SPIRE1: variants seen among roughly 807,000 people sequenced by gnomAD.
SPIRE1 encodes spire type actin nucleation factor 1.
A neutral mutation model predicts 94.1 loss-of-function variants in SPIRE1; 40 were observed. That is an observed-to-expected ratio of 0.43 (90% CI 0.33 to 0.55). The LOEUF (loss-of-function observed/expected upper bound fraction) is 0.55. Ranked by LOEUF, SPIRE1 falls within the 20% of genes least tolerant of loss-of-function variation. The pLI is 0.06. For synonymous variants in SPIRE1, 376 were observed against 371.7 expected, an observed-to-expected ratio of 1.01 and a Z score of -0.13; for missense variants, 838 against 975.2, an observed-to-expected ratio of 0.86 and a Z score of 1.87.
intron 2 of SPIRE1, among the ~76,000 whole-genome samples, chr18:12,615,518 C>T (rs947624344): frequency 1.6e-4 from 18 of 112,250 alleles, no homozygotes; most frequent in Non-Finnish European, 3.1e-4. Context: ...CCACCTTGGG[C>T]GACAGAGAGA....
Position 12,559,836 on chromosome 18 carries a change from A to C in SPIRE1, c.373-12932T>G, listed in dbSNP as rs1188132519. ...CCAAAGAACGGGAGAAAATATGTGC[A>C]AACTGTCCATCTGACAAGGGGTAAT... On this transcript the variant is annotated intron_variant, in intron 2 of 16. Coordinates refer to ENST00000409402, the MANE Select transcript of SPIRE1 (RefSeq NM_001128626.2). This position sits in a 1 kb window ranked among gnomAD's most constrained non-coding sequence, Gnocchi z 4.7. Among the ~76,000 whole-genome samples the C allele has an allele frequency of 6.6e-6, 1 of 152,352 alleles. No individual in the cohort carries two copies. Among genetic ancestry groups the C allele is most frequent in the Middle Eastern group, 3.4e-3 (1 of 294 alleles).
chr18:12,489,992 C>T (rs2033176700), intron 8 of SPIRE1, among the ~76,000 whole-genome samples: 1 of 152,034 alleles, frequency 6.6e-6, no homozygotes, highest in African/African-American at 2.4e-5. Flanking sequence ...TTAATTCTGC[C>T]AATATTATCA....
intron 4 of SPIRE1, among the ~76,000 whole-genome samples, chr18:12,525,287 A>T (rs1331158286): frequency 6.8e-6 from 1 of 146,522 alleles, no homozygotes; most frequent in African/African-American, 2.5e-5. Flanking sequence ...AAAAAAAAAA[A>T]AAAAAAAAAA....
At chr18:12,592,385 T>C (rs1167706128) in intron 2 of SPIRE1, among the ~76,000 whole-genome samples, 1 of 152,252 alleles carries the variant, frequency 6.6e-6, no homozygotes, top group African/African-American at 2.4e-5. Context: ...TTTCATTTCT[T>C]CTTTGAAGAG....
chr18:12,460,899 T>C (rs937369638), intron 12 of SPIRE1, among the ~76,000 whole-genome samples: 1 of 152,184 alleles, frequency 6.6e-6, no homozygotes, highest in African/African-American at 2.4e-5. Flanking sequence ...TTTCCCAAGA[T>C]AAGCTATTAG....
At chr18:12,501,965 C>CA (rs1165867193) in intron 6 of SPIRE1, among the ~76,000 whole-genome samples, 1 of 152,152 alleles carries the variant, frequency 6.6e-6, no homozygotes, top group Non-Finnish European at 1.5e-5. Flanking sequence ...CTGTGTCAAT[C>CA]AATCAATAAA....
At chr18:12,570,923 C>T (rs1167943545) in intron 2 of SPIRE1, among the ~76,000 whole-genome samples, 1 of 152,172 alleles carries the variant, frequency 6.6e-6, no homozygotes, top group Admixed American at 6.5e-5. Context: ...TTTGGGTTTA[C>T]AGTCAACCAG....
chr18:12,467,551 G>C (rs2032165695), intron 10 of SPIRE1, among the ~76,000 whole-genome samples: 1 of 152,216 alleles, frequency 6.6e-6, no homozygotes, highest in Admixed American at 6.5e-5. Context: ...TATCTGCTGA[G>C]GAGTCATACA....
intron 5 of SPIRE1, among the ~76,000 whole-genome samples, chr18:12,509,689 AT>A (rs1394799423): frequency 4.6e-5 from 7 of 152,336 alleles, no homozygotes; most frequent in Admixed American, 3.3e-4. Flanking sequence ...ACTGCGATAT[AT>A]TCACACAATG....
intron 5 of SPIRE1, among the ~76,000 whole-genome samples, chr18:12,509,959 C>A (rs1354191304): frequency 6.6e-6 from 1 of 151,918 alleles, no homozygotes; most frequent in Non-Finnish European, 1.5e-5. Flanking sequence ...GTGGTGCGCA[C>A]CTGTAATCCC....
At chr18:12,468,678 TTTCTC>T (rs1339702487) in intron 10 of SPIRE1, among the ~76,000 whole-genome samples, 5 of 152,208 alleles carry the variant, frequency 3.3e-5, no homozygotes, top group Non-Finnish European at 5.9e-5. Context: ...TAACTCAGCA[TTTCTC>T]AGAATCTTTT....
At chr18:12,546,205 G>A (rs566895692) in intron 3 of SPIRE1, among the ~76,000 whole-genome samples, 5 of 152,222 alleles carry the variant, frequency 3.3e-5, no homozygotes, top group South Asian at 4.1e-4. Context: ...TAGCCAGGAC[G>A]TTCTTGATCT....
chr18:12,606,821 G>A (rs1055906627), intron 2 of SPIRE1, among the ~76,000 whole-genome samples: 1 of 152,118 alleles, frequency 6.6e-6, no homozygotes, highest in Admixed American at 6.6e-5. Context: ...GTGAGCCATC[G>A]CACGGGGCCA....
rs1413994840 is a variant in SPIRE1, at chr18:12,559,945, A to G, written c.373-13041T>C. On this transcript the variant is annotated intron_variant, in intron 2 of 16. Coordinates refer to ENST00000409402, the MANE Select transcript of SPIRE1 (RefSeq NM_001128626.2). This position sits in a 1 kb window ranked among gnomAD's most constrained non-coding sequence, Gnocchi z 4.7. ...AAAAATGGGCAAAAGATCCGAATAG[A>G]CATTTCTCAAAGTAAGAATTAGAAA... is the stretch of plus-strand genomic sequence containing the variant. Among the ~76,000 whole-genome samples the G allele has an allele frequency of 6.6e-6, 1 of 152,258 alleles. No individual in the cohort carries two copies. The highest frequency in any genetic ancestry group is 1.5e-5 in the Non-Finnish European group (1 of 68,046).
At chr18:12,541,618 T>C (rs2035016475) in intron 3 of SPIRE1, among the ~76,000 whole-genome samples, 1 of 152,184 alleles carries the variant, frequency 6.6e-6, no homozygotes, top group South Asian at 2.1e-4. Context: ...TATATTAAAA[T>C]AATGTCTGTG....
At chr18:12,535,081 A>T (rs758141725) in intron 4 of SPIRE1, among the ~76,000 whole-genome samples, 3 of 152,196 alleles carry the variant, frequency 2.0e-5, no homozygotes, top group Non-Finnish European at 4.4e-5. Flanking sequence ...ATCAGATGTG[A>T]GTGTCACCTC....
At chr18:12,573,564 G>A (rs913318659) in intron 2 of SPIRE1, among the ~76,000 whole-genome samples, 2 of 152,136 alleles carry the variant, frequency 1.3e-5, no homozygotes, top group African/African-American at 2.4e-5. Flanking sequence ...CCCTCAATAG[G>A]TGAATGGGTA....
chr18:12,484,382 C>T (rs1167760850), intron 9 of SPIRE1, among the ~76,000 whole-genome samples: 1 of 151,932 alleles, frequency 6.6e-6, no homozygotes, highest in Non-Finnish European at 1.5e-5. Context: ...ATAAAAATTC[C>T]AAATGAATAA....
At chr18:12,471,565 C>G (rs1328226035) in intron 10 of SPIRE1, among the ~76,000 whole-genome samples, 1 of 152,036 alleles carries the variant, frequency 6.6e-6, no homozygotes, top group Non-Finnish European at 1.5e-5. Flanking sequence ...CTTAAGTGAT[C>G]CGTCCGCCTC....
Sources: allele counts gnomAD v4.1 joint callset (sites outside exome capture counted in the v4.1 genomes callset), GRCh38; gene constraint gnomAD v4.1.1; non-coding constraint Gnocchi (gnomAD v3.1); transcripts MANE v1.5; gene names NCBI Gene and HGNC (gene_info 2026-07-23, HGNC 2026-07-21).